The following TPCN1 variants were observed in gnomAD, a reference collection of about 807,000 sequenced individuals.
The protein encoded by TPCN1 is two pore segment channel 1.
Under a neutral mutation model 108.8 loss-of-function variants are expected in TPCN1, and 52 were observed. The observed-to-expected ratio is 0.48, with a 90% CI of 0.38 to 0.60. The LOEUF is 0.60. Ranked by LOEUF, TPCN1 falls within the 20% of genes least tolerant of loss-of-function variation. The probability of loss-of-function intolerance (pLI) is 0.00; values close to 1 mark genes in which losing one functional copy is unlikely to be tolerated. For missense variants in TPCN1, 806 were observed against 1,072.8 expected (o/e 0.75, Z 3.47); for synonymous variants, 446 against 433.7 (o/e 1.03, Z -0.35).
intron 14 of TPCN1, 49 bp downstream of exon 14, chr12:113,278,884 G>C (rs1955765729): frequency 6.4e-7 from 1 of 1,551,318 alleles, no homozygotes; most frequent in East Asian, 2.2e-5. Context: ...GGCCGATGGA[G>C]GTTTTCAGAG....
In TPCN1 at chr12:113,280,137, T is replaced by C; in HGVS notation, c.1298-14T>C. 6.3e-7 allele frequency: 1 copy of C among 1,591,782 alleles called. No individual in the cohort carries two copies. Among genetic ancestry groups the C allele is most frequent in the Non-Finnish European group, 8.6e-7 (1 of 1,160,918 alleles). On this transcript the variant is annotated splice_polypyrimidine_tract_variant and intron_variant, in intron 14 of 27. Coordinates refer to ENST00000335509, the MANE Select transcript of TPCN1 (RefSeq NM_017901.6). ...GCGTAAATTTACATTTTAACTTGTC[T>C]TTTCTTCAAATAGGTATTAATATCC... is the stretch of plus-strand genomic sequence containing the variant.
chr12:113,279,369 A>G (rs1593183744), intron 14 of TPCN1, among the ~76,000 whole-genome samples: 17 of 20,894 alleles, frequency 8.1e-4, no homozygotes, highest in African/African-American at 3.4e-3. Context: ...GTATATATAT[A>G]TATATATATA....
intron 2 of TPCN1, among the ~76,000 whole-genome samples, chr12:113,227,807 C>G (rs1169931421): frequency 6.6e-6 from 1 of 152,154 alleles, no homozygotes; most frequent in Admixed American, 6.6e-5. Flanking sequence ...GCCAGGCTCT[C>G]CCGTCTCATT....
intron 7 of TPCN1, among the ~76,000 whole-genome samples, chr12:113,270,187 A>G (rs1394174839): frequency 3.3e-5 from 5 of 151,988 alleles, no homozygotes; most frequent in African/African-American, 1.2e-4. Context: ...CAACAGAGTG[A>G]GTGAGACTTT....
intron 2 of TPCN1, among the ~76,000 whole-genome samples, chr12:113,245,020 T>C (rs1215814372): frequency 2.0e-5 from 3 of 152,070 alleles, no homozygotes; most frequent in African/African-American, 7.2e-5. Flanking sequence ...TCCCAACACT[T>C]TGAGAGGCTG....
chr12:113,222,486 C>T (rs1953278837), intron 1 of TPCN1, among the ~76,000 whole-genome samples: 2 of 152,310 alleles, frequency 1.3e-5, no homozygotes, highest in East Asian at 3.9e-4. Context: ...CTCCACCCAC[C>T]AGCAATCCCC....
chr12:113,248,977 G>A (rs1374637241), intron 2 of TPCN1, among the ~76,000 whole-genome samples: 2 of 152,160 alleles, frequency 1.3e-5, no homozygotes, highest in African/African-American at 4.8e-5. Flanking sequence ...TGGTGAGAGC[G>A]AGGTCTTGTG....
In TPCN1 at chr12:113,231,095, C is replaced by T. The variant is rs140614138; in HGVS notation, c.112+4131C>T. ...CGACATGAGCATGGGCTACTGGGAACGAAGCAAGCTTTCTAAGGCTGAGTC... is the reference window on the plus strand; with the variant it reads ...CGACATGAGCATGGGCTACTGGGAATGAAGCAAGCTTTCTAAGGCTGAGTC... On this transcript the variant is annotated intron_variant, in intron 2 of 27. Coordinates refer to ENST00000335509, the MANE Select transcript of TPCN1 (RefSeq NM_017901.6). This position sits in a 1 kb window ranked among gnomAD's most constrained non-coding sequence, Gnocchi z 4.3. 1.2e-4 allele frequency among the ~76,000 whole-genome samples: 18 copies of T among 152,348 alleles called. No individual in the cohort carries two copies. Among genetic ancestry groups the T allele is most frequent in the African/African-American group, 2.6e-4 (11 of 41,574 alleles).
At chr12:113,282,338 C>A (rs987780876) in intron 15 of TPCN1, among the ~76,000 whole-genome samples, 1 of 152,044 alleles carries the variant, frequency 6.6e-6, no homozygotes, top group Non-Finnish European at 1.5e-5. Context: ...GTTGATCCAC[C>A]TGCCTCGGCC....
chr12:113,258,066 T>C (rs750553128), intron 2 of TPCN1, among the ~76,000 whole-genome samples: 3 of 152,222 alleles, frequency 2.0e-5, no homozygotes, highest in Non-Finnish European at 4.4e-5. Flanking sequence ...TTATCTTGAT[T>C]GTTGTGATGA....
chr12:113,243,239 G>A (rs1319374118), intron 2 of TPCN1, among the ~76,000 whole-genome samples: 4 of 152,014 alleles, frequency 2.6e-5, no homozygotes, highest in African/African-American at 9.7e-5. Context: ...GCCTGATGGC[G>A]GGCGCCTGTA....
chr12:113,270,575 G>A (rs1955457193), intron 7 of TPCN1, among the ~76,000 whole-genome samples: 1 of 151,874 alleles, frequency 6.6e-6, no homozygotes, highest in Non-Finnish European at 1.5e-5. Context: ...CTGCCTCCCA[G>A]GTTCAAGTGA....
At chr12:113,285,473 G>C (rs1566196620) in intron 17 of TPCN1, among the ~76,000 whole-genome samples, 1 of 152,060 alleles carries the variant, frequency 6.6e-6, no homozygotes, top group African/African-American at 2.4e-5. Flanking sequence ...TGGGCTCAAG[G>C]GATCCCGAGT....
chr12:113,286,064 G>A, intron 18 of TPCN1, 103 bp downstream of exon 18: 3 of 1,067,704 alleles, frequency 2.8e-6, no homozygotes, highest in Non-Finnish European at 4.3e-6. Flanking sequence ...GAATCGCAGA[G>A]GGAGGGTCTG....
intron 2 of TPCN1, among the ~76,000 whole-genome samples, chr12:113,254,330 G>A (rs775878568): frequency 6.6e-6 from 1 of 152,156 alleles, no homozygotes; most frequent in Non-Finnish European, 1.5e-5. Flanking sequence ...CATTTTATGA[G>A]GCCAGCATTA....
chr12:113,266,051 A>G lies in TPCN1; in HGVS notation c.238-129A>G, dbSNP rs923589239. On this transcript the variant is annotated intron_variant, in intron 3 of 27. Coordinates refer to ENST00000335509, the MANE Select transcript of TPCN1 (RefSeq NM_017901.6). The surrounding 1 kb of genome is among the most constrained non-coding windows in gnomAD (Gnocchi z 4.2). ...GCGAAGATCATTTTGATTTTCCAGC[A>G]TCTTCTGTCTCTGGCCTGAATCTCT... The G allele has an allele frequency of 5.1e-6, 5 of 980,278 alleles. No individual in the cohort carries two copies. The highest frequency in any genetic ancestry group is 1.6e-5 in the African/African-American group (1 of 61,184). 60.7% of individuals were successfully genotyped at this position (980,278 alleles called of 1,614,324 possible).
intron 1 of TPCN1, among the ~76,000 whole-genome samples, chr12:113,222,276 G>A (rs1176346594): frequency 6.6e-6 from 1 of 152,196 alleles, no homozygotes; most frequent in African/African-American, 2.4e-5. Context: ...AGCAGGCAGG[G>A]TCCCTGATTC....
intron 12 of TPCN1, 110 bp from the exon 13 acceptor site, chr12:113,278,079 C>G (rs922363899): frequency 1.2e-6 from 1 of 858,180 alleles, no homozygotes; most frequent in Non-Finnish European, 1.9e-6. Context: ...GGTGTCCCCT[C>G]TCTTCCTCCC....
At chr12:113,279,699 C>T (rs923318675) in intron 14 of TPCN1, among the ~76,000 whole-genome samples, 2 of 151,992 alleles carry the variant, frequency 1.3e-5, no homozygotes, top group Non-Finnish European at 2.9e-5. Flanking sequence ...CCACTGCGCC[C>T]GACCCCGATA....
Sources: gnomAD v4.1 joint callset for allele counts (sites outside exome capture counted in the v4.1 genomes callset) on GRCh38, gnomAD v4.1.1 for gene constraint, Gnocchi (gnomAD v3.1) non-coding constraint, MANE v1.5 for transcripts, NCBI Gene and HGNC (gene_info 2026-07-23, HGNC 2026-07-21) for gene names.